Variants in ZNF385D observed in about 807,000 individuals in gnomAD.
ZNF385D encodes zinc finger protein 659.
Under a neutral mutation model 35.8 loss-of-function variants are expected in ZNF385D, and 15 were observed. The ratio of observed to expected loss-of-function variants is 0.42; its 90% CI spans 0.28 to 0.64. ZNF385D has a LOEUF of 0.64. Among genes scored for constraint, ZNF385D ranks in the 30% least tolerant of loss-of-function variants. The pLI is 0.23. For missense variants in ZNF385D, 474 were observed against 494.6 expected (o/e 0.96, Z 0.39); for synonymous variants, 212 against 186.8 (o/e 1.13, Z -1.10).
At chr3:22,181,555 G>A (rs1490043197) in intron 2 of ZNF385D, among the ~76,000 whole-genome samples, 13 of 152,142 alleles carry the variant, frequency 8.5e-5, no homozygotes, top group South Asian at 2.1e-4. Context: ...AAAATTAGCC[G>A]GTCGCAGTGG....
intron 4 of ZNF385D, among the ~76,000 whole-genome samples, chr3:21,495,627 A>T (rs1184855985): frequency 1.3e-5 from 2 of 152,132 alleles, no homozygotes; most frequent in African/African-American, 4.8e-5. Context: ...ACCTAACATC[A>T]CAATTAGAGA....
intron 2 of ZNF385D, among the ~76,000 whole-genome samples, chr3:22,220,846 T>C (rs1031755684): frequency 3.3e-5 from 5 of 152,214 alleles, no homozygotes; most frequent in African/African-American, 1.2e-4. Flanking sequence ...TTTACAGATA[T>C]TATCTTTAAT....
At chr3:21,437,572 TTAAAA>T (rs1701622103) in intron 4 of ZNF385D, among the ~76,000 whole-genome samples, 1 of 151,852 alleles carries the variant, frequency 6.6e-6, no homozygotes, top group African/African-American at 2.4e-5. Flanking sequence ...TTTTAAACAA[TTAAAA>T]TAGAAGATAA....
At chr3:21,431,889 C>G (rs1424211090) in intron 5 of ZNF385D, among the ~76,000 whole-genome samples, 1 of 152,106 alleles carries the variant, frequency 6.6e-6, no homozygotes, top group East Asian at 1.9e-4. Flanking sequence ...ATGTATTTCA[C>G]TTCTGAACAC....
At chr3:21,956,005 G>A (rs1206912098) in intron 3 of ZNF385D, among the ~76,000 whole-genome samples, 1 of 151,874 alleles carries the variant, frequency 6.6e-6, no homozygotes. Flanking sequence ...GGAAAACATG[G>A]CGAGAACCTG....
intron 2 of ZNF385D, among the ~76,000 whole-genome samples, chr3:22,188,129 A>G (rs376762595): frequency 6.6e-6 from 1 of 152,116 alleles, no homozygotes; most frequent in South Asian, 2.1e-4. Context: ...CAGAAACCTA[A>G]TTTTCAAAGT....
At chr3:21,663,912 TATA>T (rs2066315475) in intron 2 of ZNF385D, among the ~76,000 whole-genome samples, 2 of 126,828 alleles carry the variant, frequency 1.6e-5, no homozygotes, top group Non-Finnish European at 3.3e-5. Context: ...TATATATATA[TATA>T]TATTTATTTA....
intron 2 of ZNF385D, among the ~76,000 whole-genome samples, chr3:22,338,243 C>T (rs574429353): frequency 6.6e-6 from 1 of 152,116 alleles, no homozygotes; most frequent in Non-Finnish European, 1.5e-5. Context: ...GTTTTATGTA[C>T]AGTATAAAAC....
At chr3:22,044,625 G>A (rs372177873) in intron 3 of ZNF385D, among the ~76,000 whole-genome samples, 26 of 152,142 alleles carry the variant, frequency 1.7e-4, no homozygotes, top group Non-Finnish European at 2.9e-5. Context: ...TGGAGTAAAG[G>A]TTTTTAGAAA....
intron 2 of ZNF385D, among the ~76,000 whole-genome samples, chr3:22,246,647 A>G (rs1699797521): frequency 6.6e-6 from 1 of 152,180 alleles, no homozygotes; most frequent in Admixed American, 6.6e-5. Context: ...TCAAACAAAA[A>G]GAAAGCCTTA....
chr3:21,817,141 G>A lies in ZNF385D; in HGVS notation c.326-152113C>T, dbSNP rs997636004. Reference sequence around the variant, plus strand: ...AAACTGGCTAGCCATATATAGAAATGTGAACTTGGATCCCTTCTTGACACC... The same window carrying A: ...AAACTGGCTAGCCATATATAGAAATATGAACTTGGATCCCTTCTTGACACC... On this transcript the variant is annotated intron_variant, in intron 3 of 5. Coordinates refer to the ZNF385D transcript ENST00000494108. 5.3e-5 allele frequency among the ~76,000 whole-genome samples: 8 copies of A among 152,206 alleles called. No individual in the cohort carries two copies. The South Asian group carries it at 1.0e-3, about 20-fold the overall frequency.
chr3:21,753,004 T>C (rs905745936), upstream of ZNF385D, among the ~76,000 whole-genome samples: 23 of 152,120 alleles, frequency 1.5e-4, 1 homozygote, highest in Admixed American at 1.2e-3. Context: ...TGAGTTCCTG[T>C]AGTTGGAAGA....
At chr3:21,522,939 T>A (rs1015149430) in intron 3 of ZNF385D, among the ~76,000 whole-genome samples, 2 of 152,176 alleles carry the variant, frequency 1.3e-5, no homozygotes, top group Admixed American at 6.5e-5. Context: ...CCACCGGTAG[T>A]ATTTAGTTGT....
At chr3:22,302,296 A>C (rs1346102544) in intron 2 of ZNF385D, among the ~76,000 whole-genome samples, 1 of 151,790 alleles carries the variant, frequency 6.6e-6, no homozygotes, top group Admixed American at 6.6e-5. Flanking sequence ...CACAGTATTA[A>C]ATTTTTTATT....
At position 22,135,905 on chromosome 3, in the gene ZNF385D, C is replaced by T. The variant is rs191776014; in HGVS notation, c.325+32912G>A. 8.5e-5 allele frequency among the ~76,000 whole-genome samples: 13 copies of T among 152,214 alleles called. No homozygotes were observed. In the East Asian group the frequency reaches 2.5e-3, roughly 29 times the overall value. On this transcript the variant is annotated intron_variant, in intron 3 of 5. Transcript: ENST00000494108. ...AAGGTTAATCTTTTAATAAATGATACTAAGACAATTGCACATCCACAGGCA... is the reference window on the plus strand; with the variant it reads ...AAGGTTAATCTTTTAATAAATGATATTAAGACAATTGCACATCCACAGGCA...
intron 3 of ZNF385D, among the ~76,000 whole-genome samples, chr3:21,757,329 G>C (rs927232326): frequency 3.3e-5 from 5 of 151,924 alleles, no homozygotes; most frequent in Non-Finnish European, 7.4e-5. Context: ...TTTTGGTAGA[G>C]ATAGGGTTTT....
At chr3:22,246,985 T>C (rs1407714881) in intron 2 of ZNF385D, among the ~76,000 whole-genome samples, 1 of 146,630 alleles carries the variant, frequency 6.8e-6, no homozygotes, top group African/African-American at 2.5e-5. Context: ...GATACATTCA[T>C]TTAAATTTAA....
intron 3 of ZNF385D, among the ~76,000 whole-genome samples, chr3:21,950,614 C>T (rs1385059261): frequency 6.6e-6 from 1 of 151,748 alleles, no homozygotes; most frequent in Non-Finnish European, 1.5e-5. Flanking sequence ...GTCATGAAGT[C>T]TTTGCCCATG....
chr3:22,016,058 T>C (rs1696866854), intron 3 of ZNF385D, among the ~76,000 whole-genome samples: 2 of 151,960 alleles, frequency 1.3e-5, no homozygotes, highest in African/African-American at 4.8e-5. Context: ...AATTTGAGAG[T>C]TTACTTATTC....
Sources: allele counts gnomAD v4.1 joint callset (sites outside exome capture counted in the v4.1 genomes callset), GRCh38; gene constraint gnomAD v4.1.1; transcripts MANE v1.5; gene names NCBI Gene and HGNC (gene_info 2026-07-23, HGNC 2026-07-21).